Variants in MEF2C observed in about 807,000 individuals in gnomAD.
MEF2C encodes the protein myocyte enhancer factor 2C, also known as myocyte-specific enhancer factor 2C.
MEF2C carries 6 observed loss-of-function variants against 50.5 expected under a neutral mutation model. The ratio of observed to expected loss-of-function variants is 0.12; its 90% CI spans 0.07 to 0.23. The LOEUF (loss-of-function observed/expected upper bound fraction) is 0.23, where lower values mean the gene tolerates loss of function less well. MEF2C is among the 10% of genes least tolerant of loss of function. The probability of loss-of-function intolerance (pLI) is 1.00; values close to 1 mark genes in which losing one functional copy is unlikely to be tolerated. For missense variants in MEF2C, 276 were observed against 605.0 expected (o/e 0.46, Z 5.70); for synonymous variants, 183 against 228.0 (o/e 0.80, Z 1.78).
At chr5:88,902,586 C>G (rs1275903746) in intron 1 of MEF2C, among the ~76,000 whole-genome samples, 2 of 150,650 alleles carry the variant, frequency 1.3e-5, no homozygotes, top group African/African-American at 2.4e-5. Context: ...TGTGGCATAT[C>G]CATGTCGTCA....
At chr5:88,843,805 CTTTT>C (rs35382083) in intron 1 of MEF2C, among the ~76,000 whole-genome samples, 3 of 129,866 alleles carry the variant, frequency 2.3e-5, no homozygotes, top group Admixed American at 7.9e-5. Context: ...TCCTGTGAAA[CTTTT>C]TTTTTTTTTT....
At chr5:88,742,727 G>A in intron 6 of MEF2C, 1 of 985,250 alleles carries the variant, frequency 1.0e-6, no homozygotes, top group Non-Finnish European at 1.2e-6. Context: ...CATTTGTCTT[G>A]TCTTTGACCT....
At chr5:88,895,330 G>T (rs1416537389) in intron 1 of MEF2C, among the ~76,000 whole-genome samples, 2 of 152,008 alleles carry the variant, frequency 1.3e-5, no homozygotes, top group Non-Finnish European at 2.9e-5. Flanking sequence ...TATTATCCTT[G>T]TCAGTGTTCT....
At chr5:88,730,842 G>A (rs958380774) in intron 7 of MEF2C, among the ~76,000 whole-genome samples, 1 of 152,190 alleles carries the variant, frequency 6.6e-6, no homozygotes, top group Non-Finnish European at 1.5e-5. Flanking sequence ...TTGCCACAGA[G>A]CAGAGAAAGA....
intron 6 of MEF2C, chr5:88,742,808 T>C (rs986924297): frequency 2.0e-6 from 2 of 985,336 alleles, no homozygotes; most frequent in Non-Finnish European, 2.4e-6. Flanking sequence ...ATTTGCTTGG[T>C]TTTGTATATG....
At chr5:88,735,702 AT>A in intron 6 of MEF2C, 1 of 985,350 alleles carries the variant, frequency 1.0e-6, no homozygotes, top group Non-Finnish European at 1.2e-6. Flanking sequence ...GGAGAAAAAC[AT>A]TTTTCTCCCC....
intron 3 of MEF2C, among the ~76,000 whole-genome samples, chr5:88,769,755 C>T (rs545747398): frequency 3.3e-5 from 5 of 152,236 alleles, no homozygotes; most frequent in East Asian, 1.9e-4. Flanking sequence ...AGTGATCTTC[C>T]CACTTCAGTC....
rs1267170072 is a variant in MEF2C at position 88,761,261 on chromosome 5, T to C, written c.326A>G (p.His109Arg). The C allele has an allele frequency of 1.2e-6, 2 of 1,613,944 alleles. No individual in the cohort carries two copies. The highest frequency in any genetic ancestry group is 1.7e-6 in the Non-Finnish European group (2 of 1,179,898). Reference protein sequence around the residue: ...PDPDADDSVGHSPESEDKYRK... With the variant: ...PDPDADDSVGRSPESEDKYRK... The stretch of plus-strand genomic sequence containing the variant: ...GTACTTGTCCTCAGACTCAGGGCTG[T>C]GACCTACGGAATCGTCCGCATCGGG... Residue 109 changes from histidine (H) to arginine (R), a missense_variant, in exon 4 of 11, where the codon CAC (histidine) becomes CGC (arginine). Coordinates refer to ENST00000504921, the MANE Select transcript of MEF2C (RefSeq NM_002397.5).
chr5:88,784,726 A>C (rs182088903), intron 3 of MEF2C, among the ~76,000 whole-genome samples: 1 of 152,342 alleles, frequency 6.6e-6, no homozygotes, highest in East Asian at 1.9e-4. Context: ...TCAACAATGA[A>C]AATTTTGTTT....
intron 6 of MEF2C, chr5:88,735,377 C>T (rs1202710937): frequency 1.8e-5 from 18 of 985,212 alleles, no homozygotes; most frequent in Middle Eastern, 5.2e-4. Context: ...TTACCCTCTG[C>T]CTGGACAATT....
At position 88,747,210 on chromosome 5, in the gene MEF2C, A is replaced by C. The variant is rs74838705; in HGVS notation, c.637+1860T>G. 4.6e-5 allele frequency among the ~76,000 whole-genome samples: 7 copies of C among 152,298 alleles called. No homozygotes were observed. The East Asian group carries it at 1.4e-3, about 29-fold the overall frequency. ...ATTGACAATGACAGAATAATTGAAC[A>C]ACCAAACACTTTTTATTTTCAATAT... On this transcript the variant is annotated intron_variant, in intron 6 of 10. Transcript: ENST00000504921.
chr5:88,858,209 C>A (rs1045359486), intron 1 of MEF2C, among the ~76,000 whole-genome samples: 2 of 152,164 alleles, frequency 1.3e-5, no homozygotes, highest in Admixed American at 6.6e-5. Flanking sequence ...CTTCCCTCCA[C>A]GCTCCTACAT....
chr5:88,777,642 A>C (rs1384816215), intron 3 of MEF2C, among the ~76,000 whole-genome samples: 1 of 152,232 alleles, frequency 6.6e-6, no homozygotes, highest in Non-Finnish European at 1.5e-5. Context: ...AATGACTGAC[A>C]AATCTTATTT....
intron 6 of MEF2C, among the ~76,000 whole-genome samples, chr5:88,744,356 C>T (rs918522280): frequency 6.6e-6 from 1 of 152,168 alleles, no homozygotes; most frequent in Non-Finnish European, 1.5e-5. Flanking sequence ...GAGTTTGTGA[C>T]CAGCCTGGAC....
Position 88,758,153 on chromosome 5 carries a change from C to T in MEF2C, c.402+3032G>A, listed in dbSNP as rs568816608. Among the ~76,000 whole-genome samples, 7 of 152,272 alleles carry T rather than the reference C, an allele frequency of 4.6e-5. No homozygotes were observed. The South Asian group carries it at 8.3e-4, about 18-fold the overall frequency. ...TCCTCTGCATGTAAATAATCTCAAG[C>T]GCTTTCATTTTAACTCCTCCCTTGA... On this transcript the variant is annotated intron_variant, in intron 4 of 10. Transcript: ENST00000504921.
chr5:88,851,493 C>A (rs1821341696), intron 1 of MEF2C, among the ~76,000 whole-genome samples: 1 of 152,110 alleles, frequency 6.6e-6, no homozygotes. Context: ...AATGCCATGA[C>A]TTCACTTTGT....
intron 3 of MEF2C, chr5:88,775,800 C>T: frequency 2.0e-6 from 2 of 983,528 alleles, no homozygotes; most frequent in East Asian, 1.1e-4. Flanking sequence ...GCTAGAGTGA[C>T]ACTGAGAACT....
chr5:88,854,059 TTATC>T (rs1256422095), intron 1 of MEF2C, among the ~76,000 whole-genome samples: 8 of 152,212 alleles, frequency 5.3e-5, no homozygotes, highest in Non-Finnish European at 1.2e-4. Context: ...GAAGCATTCT[TTATC>T]TATTACCTGC....
In MEF2C at chr5:88,804,444, G is replaced by A. The variant is rs543986720; in HGVS notation, c.258+154C>T. ...TTTTGAAGGGGAGAGAAAAGGTGGA[G>A]TAAGAGTTGCGATAGATAATAATCC... On this transcript the variant is annotated intron_variant, in intron 3 of 10. Coordinates refer to ENST00000504921, the MANE Select transcript of MEF2C (RefSeq NM_002397.5). 7 of 637,820 alleles carry A rather than the reference G, an allele frequency of 1.1e-5. No individual in the cohort carries two copies. The Admixed American group carries it at 1.4e-4, about 13-fold the overall frequency. 39.5% of individuals were successfully genotyped at this position (637,820 alleles called of 1,614,324 possible).
Sources: gnomAD v4.1 joint callset for allele counts (sites outside exome capture counted in the v4.1 genomes callset) on GRCh38, gnomAD v4.1.1 for gene constraint, MANE v1.5 for transcripts, NCBI Gene and HGNC (gene_info 2026-07-23, HGNC 2026-07-21) for gene names.